Variants in ARMH3 observed in about 807,000 individuals in gnomAD.
The protein encoded by ARMH3 is armadillo-like helical domain-containing protein 3.
In ARMH3, 60 loss-of-function variants were observed where a neutral mutation model predicts 99.1. That is an observed-to-expected ratio of 0.61 (90% confidence interval 0.49 to 0.75). The LOEUF (loss-of-function observed/expected upper bound fraction) is 0.75, where lower values mean the gene tolerates loss of function less well. Ranked by LOEUF, ARMH3 falls within the 30% of genes least tolerant of loss-of-function variation. The pLI is 0.00. For synonymous variants in ARMH3, 285 were observed against 292.8 expected (o/e 0.97, Z 0.27); for missense variants, 679 against 843.1 (o/e 0.81, Z 2.41).
At chr10:101,963,878 C>CTTTTTTTTTT (rs1177050739) in intron 20 of ARMH3, among the ~76,000 whole-genome samples, 1 of 135,702 alleles carries the variant, frequency 7.4e-6, no homozygotes. Flanking sequence ...CTTTTTCTTT[C>CTTTTTTTTTT]TTTTTTTTTT....
At chr10:102,048,739 A>G (rs1273803436) in intron 1 of ARMH3, among the ~76,000 whole-genome samples, 1 of 152,092 alleles carries the variant, frequency 6.6e-6, no homozygotes, top group Non-Finnish European at 1.5e-5. Flanking sequence ...CAACATGTTT[A>G]TATCAAGCCA....
At chr10:101,920,522 CAG>C (rs1226681144) in intron 23 of ARMH3, among the ~76,000 whole-genome samples, 1 of 151,842 alleles carries the variant, frequency 6.6e-6, no homozygotes, top group East Asian at 1.9e-4. Flanking sequence ...GGGACAAGCA[CAG>C]AGAGAAAAAC....
intron 23 of ARMH3, among the ~76,000 whole-genome samples, chr10:101,920,615 A>G (rs1267489779): frequency 6.6e-6 from 1 of 152,222 alleles, no homozygotes; most frequent in African/African-American, 2.4e-5. Flanking sequence ...TGAACAATAA[A>G]TAAACTGTGG....
chr10:101,957,893 A>G (rs1796761740), intron 20 of ARMH3, among the ~76,000 whole-genome samples, 161 bp from the exon 21 acceptor site: 1 of 152,182 alleles, frequency 6.6e-6, no homozygotes, highest in African/African-American at 2.4e-5. Flanking sequence ...ATATTTGAGG[A>G]AAGCACTCAC....
In ARMH3 at chr10:102,002,000, T is replaced by C; in HGVS notation, c.1121A>G (p.Tyr374Cys). Reference sequence around the variant, plus strand: ...GGTGTCCTGCATGACAATTGAGCTATACTTTAAAAAGGTTATCAGTAGATT... The same window carrying C: ...GGTGTCCTGCATGACAATTGAGCTACACTTTAAAAAGGTTATCAGTAGATT... ...TSNLLITFLK[Y>C]SSIVMQDTKD... The change falls in exon 15 of 26, where the codon TAT becomes TGT. Residue 374 changes from tyrosine (Y) to cysteine (C), a missense_variant. Around this residue, in one of 3 missense-constraint regions of ARMH3, gnomAD observed 389 missense variants for 456.5 expected, o/e 0.85. Coordinates refer to ENST00000370033, the MANE Select transcript of ARMH3 (RefSeq NM_024541.3). The C allele has an allele frequency of 1.9e-6, 3 of 1,614,208 alleles. No homozygotes were observed. The highest frequency in any genetic ancestry group is 2.2e-5 in the East Asian group (1 of 44,886).
intron 23 of ARMH3, among the ~76,000 whole-genome samples, chr10:101,913,956 A>G (rs995461296): frequency 5.9e-5 from 9 of 152,210 alleles, no homozygotes; most frequent in African/African-American, 2.2e-4. Context: ...CTGTTCCTCC[A>G]AAGTCTTAAT....
chr10:101,976,189 A>G (rs1175057083), intron 19 of ARMH3, among the ~76,000 whole-genome samples: 2 of 147,808 alleles, frequency 1.4e-5, no homozygotes, highest in African/African-American at 4.9e-5. Context: ...AAAAAAAAAA[A>G]AAAAGCCAGG....
intron 23 of ARMH3, among the ~76,000 whole-genome samples, chr10:101,936,264 T>A (rs1257907586): frequency 3.3e-5 from 5 of 151,650 alleles, no homozygotes; most frequent in Non-Finnish European, 7.4e-5. Flanking sequence ...GAGGCCGAGG[T>A]GGGTGGATCA....
At chr10:101,995,905 C>CAA (rs1288324312) in intron 15 of ARMH3, among the ~76,000 whole-genome samples, 1 of 152,230 alleles carries the variant, frequency 6.6e-6, no homozygotes, top group African/African-American at 2.4e-5. Context: ...TTCTTCCTGT[C>CAA]AAAGTTACTC....
intron 20 of ARMH3, among the ~76,000 whole-genome samples, chr10:101,958,361 T>C (rs143033322): frequency 3.3e-5 from 5 of 152,338 alleles, no homozygotes; most frequent in South Asian, 4.1e-4. Context: ...TGGCAATTCT[T>C]AGCGAGGGGA....
At chr10:102,018,518 GATT>G (rs1362740856) in intron 8 of ARMH3, among the ~76,000 whole-genome samples, 1 of 152,178 alleles carries the variant, frequency 6.6e-6, no homozygotes, top group Non-Finnish European at 1.5e-5. Flanking sequence ...GGTCCCATGA[GATT>G]ATAATGGAAC....
At chr10:101,868,262 A>C (rs1360988599) in intron 24 of ARMH3, among the ~76,000 whole-genome samples, 2 of 152,356 alleles carry the variant, frequency 1.3e-5, no homozygotes, top group East Asian at 3.9e-4. Flanking sequence ...AAGCAGAGCC[A>C]AGAAACAAAT....
chr10:102,029,786 C>T lies in ARMH3; in HGVS notation c.307-41G>A, dbSNP rs766153505. On this transcript the variant is annotated intron_variant, in intron 4 of 25. Transcript: ENST00000370033. ...AAAGAATTCTTTCTGGAGAGGAAGT[C>T]TCAGGGTCTGTAGACCCACATTGCA... The T allele has an allele frequency of 6.9e-6, 11 of 1,586,972 alleles. No homozygotes were observed. The South Asian group carries it at 1.2e-4, about 18-fold the overall frequency.
chr10:101,965,536 A>G (rs1174435250), intron 20 of ARMH3, among the ~76,000 whole-genome samples: 1 of 152,166 alleles, frequency 6.6e-6, no homozygotes, highest in East Asian at 1.9e-4. Context: ...TACCAACACT[A>G]TCCTACAAAA....
intron 24 of ARMH3, among the ~76,000 whole-genome samples, chr10:101,854,710 A>T (rs982179058): frequency 6.6e-6 from 1 of 152,164 alleles, no homozygotes; most frequent in African/African-American, 2.4e-5. Flanking sequence ...GAGGTCAGAG[A>T]CCTAAGTTTT....
At chr10:102,026,684 G>A (rs2067008483) in intron 5 of ARMH3, among the ~76,000 whole-genome samples, 2 of 152,264 alleles carry the variant, frequency 1.3e-5, no homozygotes, top group African/African-American at 2.4e-5. Context: ...AGTAAATATG[G>A]TGCAGATTTT....
intron 8 of ARMH3, among the ~76,000 whole-genome samples, chr10:102,018,533 G>A (rs1242808085): frequency 6.6e-6 from 1 of 152,128 alleles, no homozygotes; most frequent in African/African-American, 2.4e-5. Context: ...TAATGGAACT[G>A]AAAAATCCCT....
chr10:101,857,929 C>CT (rs977477307), intron 24 of ARMH3, among the ~76,000 whole-genome samples: 2 of 152,220 alleles, frequency 1.3e-5, no homozygotes, highest in Non-Finnish European at 2.9e-5. Flanking sequence ...GAATAGCCCT[C>CT]TTTTCTCCCA....
At chr10:102,021,781 C>T (rs902765189) in intron 8 of ARMH3, among the ~76,000 whole-genome samples, 4 of 151,784 alleles carry the variant, frequency 2.6e-5, no homozygotes, top group Non-Finnish European at 4.4e-5. Flanking sequence ...CTCCCAACCT[C>T]GTGATCCACC....
Sources: gnomAD v4.1 joint callset for allele counts (sites outside exome capture counted in the v4.1 genomes callset) on GRCh38, gnomAD v4.1.1 for gene constraint, gnomAD v4.1.1 regional missense constraint, MANE v1.5 for transcripts, NCBI Gene and HGNC (gene_info 2026-07-23, HGNC 2026-07-21) for gene names.